The following FUT8 variants were observed in gnomAD, a reference collection of about 807,000 sequenced individuals.
FUT8 encodes the protein fucosyltransferase 8.
FUT8 carries 29 observed loss-of-function variants against 71.3 expected under a neutral mutation model. That is an observed-to-expected ratio of 0.41 (90% CI 0.30 to 0.55). The LOEUF is 0.55. Ranked by LOEUF, FUT8 falls within the 20% of genes least tolerant of loss-of-function variation. The pLI is 0.34. For missense variants in FUT8, 544 were observed against 702.1 expected, an observed-to-expected ratio of 0.77 and a Z score of 2.55; for synonymous variants, 254 against 239.3, an observed-to-expected ratio of 1.06 and a Z score of -0.57.
At chr14:65,407,053 CG>C (rs1555358166), upstream of FUT8, among the ~76,000 whole-genome samples, 1 of 152,172 alleles carries the variant, frequency 6.6e-6, no homozygotes, top group Non-Finnish European at 1.5e-5. Context: ...GTTGCAGACT[CG>C]GTTCATCTGG....
intron 3 of FUT8, among the ~76,000 whole-genome samples, chr14:65,584,445 G>T (rs1049535993): frequency 6.6e-6 from 1 of 152,204 alleles, no homozygotes; most frequent in Non-Finnish European, 1.5e-5. Context: ...CTCCCAAAGG[G>T]CTGGGATTAC....
intron 7 of FUT8, among the ~76,000 whole-genome samples, chr14:65,714,529 C>T (rs905140006): frequency 6.7e-4 from 102 of 152,006 alleles, no homozygotes; most frequent in African/African-American, 2.3e-3. Flanking sequence ...GCCATCCTCC[C>T]GGTTTGGCCT....
At chr14:65,397,066 T>A in the FUT8 span, among the ~76,000 whole-genome samples, 90,952 of 152,112 alleles carry the variant, frequency 0.6, 27,372 homozygotes, top group East Asian at 0.77. The surrounding 1 kb of genome is among the most constrained non-coding windows in gnomAD (Gnocchi z 4.2). Flanking sequence ...GCTCTCCTCA[T>A]AGTGGATAAT....
chr14:65,565,214 C>T (rs937893593), intron 3 of FUT8, among the ~76,000 whole-genome samples: 11 of 151,930 alleles, frequency 7.2e-5, no homozygotes, highest in Non-Finnish European at 8.8e-5. Context: ...AGAAGGAGAA[C>T]TCAGTCATCT....
intron 7 of FUT8, among the ~76,000 whole-genome samples, chr14:65,712,719 A>G (rs936310718): frequency 6.6e-6 from 1 of 152,168 alleles, no homozygotes; most frequent in Non-Finnish European, 1.5e-5. Flanking sequence ...TGCTGGGATT[A>G]CAGGCGCGAG....
At chr14:65,544,597 A>G (rs954125099) in intron 2 of FUT8, among the ~76,000 whole-genome samples, 2 of 152,154 alleles carry the variant, frequency 1.3e-5, no homozygotes, top group Non-Finnish European at 1.5e-5. Context: ...TTGAGTAGTT[A>G]ATTGTATCAG....
intron 7 of FUT8, among the ~76,000 whole-genome samples, chr14:65,718,525 A>G (rs1895244348): frequency 6.6e-6 from 1 of 152,220 alleles, no homozygotes; most frequent in East Asian, 1.9e-4. Context: ...GTGTTATAAA[A>G]TTATGTGGTT....
intron 2 of FUT8, among the ~76,000 whole-genome samples, chr14:65,477,874 C>G (rs1238443296): frequency 6.7e-6 from 1 of 149,208 alleles, no homozygotes; most frequent in Non-Finnish European, 1.5e-5. Flanking sequence ...TTTTTTTTTA[C>G]CCCCCTCAAA....
intron 1 of FUT8, among the ~76,000 whole-genome samples, chr14:65,444,748 G>C (rs534753329): frequency 1.1e-4 from 16 of 152,316 alleles, no homozygotes; most frequent in Admixed American, 2.6e-4. Context: ...GGTAGAGAAT[G>C]TGTACTGGTT....
In FUT8 at chr14:65,665,748, A is replaced by C. The variant is rs145524805; in HGVS notation, c.598-3495A>C. ...ACATATACACCATGGAATACTGTGC[A>C]ACCATAAAAAAGAATGAGGTCATCT... On this transcript the variant is annotated intron_variant, in intron 6 of 10. Coordinates refer to ENST00000673929, the MANE Select transcript of FUT8 (RefSeq NM_001371533.1). 8.6e-3 allele frequency among the ~76,000 whole-genome samples: 1,306 copies of C among 152,300 alleles called. 19 individuals carry two copies. Among genetic ancestry groups the C allele is most frequent in the African/African-American group, 0.03 (1,239 of 41,578 alleles).
intron 7 of FUT8, among the ~76,000 whole-genome samples, chr14:65,685,016 A>T (rs1304857684): frequency 6.6e-6 from 1 of 152,178 alleles, no homozygotes; most frequent in East Asian, 1.9e-4. Context: ...GGCCACAGGT[A>T]AGAGAAACTC....
At chr14:65,432,392 C>A (rs2065489883) in intron 1 of FUT8, among the ~76,000 whole-genome samples, 2 of 120,216 alleles carry the variant, frequency 1.7e-5, no homozygotes, top group African/African-American at 5.7e-5. Context: ...TTTCTACTTT[C>A]CTTTTTTTTT....
Position 65,451,419 on chromosome 14 carries a change from A to G in FUT8, c.-325-4202A>G, listed in dbSNP as rs546741800. Among the ~76,000 whole-genome samples the G allele has an allele frequency of 1.5e-4, 23 of 152,356 alleles. No individual in the cohort carries two copies. In the South Asian group the frequency reaches 2.1e-3, roughly 14 times the overall value. On this transcript the variant is annotated intron_variant, in intron 1 of 10. Transcript: ENST00000673929. ...TGTCCAGGAGCGGGTGCCTGCGACTATTGAAGCTCCAGAGGGTGTGTTACA... is the reference window on the plus strand; with the variant it reads ...TGTCCAGGAGCGGGTGCCTGCGACTGTTGAAGCTCCAGAGGGTGTGTTACA...
intron 2 of FUT8, among the ~76,000 whole-genome samples, chr14:65,469,394 C>T (rs2066100622): frequency 6.6e-6 from 1 of 152,012 alleles, no homozygotes; most frequent in Admixed American, 6.5e-5. Context: ...TTATGTTTAT[C>T]TGTTTAGAAG....
At chr14:65,496,701 T>C (rs1594700292) in intron 2 of FUT8, among the ~76,000 whole-genome samples, 1 of 152,194 alleles carries the variant, frequency 6.6e-6, no homozygotes, top group African/African-American at 2.4e-5. Flanking sequence ...TAAACCTCTT[T>C]TCTTTATAAA....
chr14:65,659,899 G>A (rs1017722433), intron 6 of FUT8, among the ~76,000 whole-genome samples: 3 of 152,020 alleles, frequency 2.0e-5, no homozygotes, highest in Non-Finnish European at 2.9e-5. Flanking sequence ...TCTTAATTTT[G>A]TAAGCATGCT....
chr14:65,619,675 G>T (rs959382038), intron 5 of FUT8, among the ~76,000 whole-genome samples: 5 of 152,036 alleles, frequency 3.3e-5, no homozygotes. Flanking sequence ...GGTGTTGATG[G>T]TATAATAAAT....
At chr14:65,538,762 A>G (rs544917979) in intron 2 of FUT8, among the ~76,000 whole-genome samples, 1 of 152,278 alleles carries the variant, frequency 6.6e-6, no homozygotes, top group South Asian at 2.1e-4. Flanking sequence ...TCTACTAAAA[A>G]TACAAAAGTT....
At chr14:65,545,049 A>G (rs1884909555) in intron 2 of FUT8, among the ~76,000 whole-genome samples, 1 of 143,550 alleles carries the variant, frequency 7.0e-6, no homozygotes, top group Admixed American at 7.1e-5. Flanking sequence ...TCTTCATTTC[A>G]GTTTAGTTGG....
Sources: allele counts gnomAD v4.1 joint callset (sites outside exome capture counted in the v4.1 genomes callset), GRCh38; gene constraint gnomAD v4.1.1; non-coding constraint Gnocchi (gnomAD v3.1); transcripts MANE v1.5; gene names NCBI Gene and HGNC (gene_info 2026-07-23, HGNC 2026-07-21).